LRRTM4: variants seen among roughly 807,000 people sequenced by gnomAD.
The protein encoded by LRRTM4 is leucine-rich repeat transmembrane neuronal protein 4.
LRRTM4 carries 25 observed loss-of-function variants against 47.6 expected under a neutral mutation model. That is an observed-to-expected ratio of 0.53 (90% CI 0.38 to 0.73). The LOEUF is 0.73. Ranked by LOEUF, LRRTM4 falls within the 30% of genes least tolerant of loss-of-function variation. The pLI is 0.00. For missense variants in LRRTM4, 638 were observed against 713.4 expected (o/e 0.89, Z 1.20); for synonymous variants, 311 against 269.5 (o/e 1.15, Z -1.51).
intron 3 of LRRTM4, among the ~76,000 whole-genome samples, chr2:77,065,432 C>CT (rs970741791): frequency 2.1e-4 from 32 of 152,102 alleles, no homozygotes; most frequent in Middle Eastern, 6.8e-3. Flanking sequence ...CTTTATTGAC[C>CT]TTTTTTATTA....
intron 3 of LRRTM4, among the ~76,000 whole-genome samples, chr2:76,834,118 G>A (rs1573185446): frequency 6.6e-6 from 1 of 151,572 alleles, no homozygotes; most frequent in South Asian, 2.1e-4. Context: ...TTGGCTCACT[G>A]CAACCTCTCC....
intron 3 of LRRTM4, among the ~76,000 whole-genome samples, chr2:77,485,364 G>A (rs1677869666): frequency 6.6e-6 from 1 of 152,116 alleles, no homozygotes; most frequent in South Asian, 2.1e-4. Flanking sequence ...TTTAATCTTG[G>A]TGATTTTCCA....
At chr2:77,224,453 C>T (rs1674742055) in intron 3 of LRRTM4, among the ~76,000 whole-genome samples, 2 of 152,036 alleles carry the variant, frequency 1.3e-5, no homozygotes, top group African/African-American at 2.4e-5. Context: ...ATTTTTGCAA[C>T]CTACTCATCT....
chr2:76,978,920 T>C (rs1276453793), intron 3 of LRRTM4, among the ~76,000 whole-genome samples: 1 of 152,020 alleles, frequency 6.6e-6, no homozygotes, highest in Non-Finnish European at 1.5e-5. Context: ...GTGCAGAAGC[T>C]ATTTTCATGT....
intron 3 of LRRTM4, among the ~76,000 whole-genome samples, chr2:76,910,340 C>A (rs1674005670): frequency 1.1e-5 from 1 of 94,736 alleles, no homozygotes; most frequent in Admixed American, 1.7e-4. Flanking sequence ...ACTCTGGGGA[C>A]TGTTGTGGGG....
In LRRTM4 at chr2:77,131,045, G is replaced by A. The variant is rs1012580025; in HGVS notation, c.1552-382129C>T. 2.4e-3 allele frequency among the ~76,000 whole-genome samples: 303 copies of A among 128,142 alleles called. No individual in the cohort carries two copies. The Middle Eastern group carries it at 0.063, about 27-fold the overall frequency. The allele number at this position is 128,142 out of a possible 152,430, so 84.1% of individuals were successfully genotyped here. A position where few individuals can be genotyped will look rare whatever the true frequency, so the allele number is the denominator to read the frequency against. On this transcript the variant is annotated intron_variant, in intron 3 of 3. Transcript: ENST00000409884. Reference sequence around the variant, plus strand: ...GAGACGGGGTTTCACCGTTTTAGCCGGGATGGTCTCGATATCCTGACCTCG... The same window carrying A: ...GAGACGGGGTTTCACCGTTTTAGCCAGGATGGTCTCGATATCCTGACCTCG...
intron 3 of LRRTM4, among the ~76,000 whole-genome samples, chr2:76,878,299 C>G (rs1057186213): frequency 1.3e-5 from 2 of 151,974 alleles, no homozygotes; most frequent in African/African-American, 4.8e-5. Flanking sequence ...TCTCTCTCTC[C>G]TTGGGTCTCC....
chr2:76,868,584 A>G (rs540281869), intron 3 of LRRTM4, among the ~76,000 whole-genome samples: 1 of 152,326 alleles, frequency 6.6e-6, no homozygotes, highest in East Asian at 1.9e-4. Flanking sequence ...CAGAATAAAA[A>G]AGGCTTGTGT....
At position 77,213,989 on chromosome 2, in the gene LRRTM4, C is replaced by T. The variant is rs573379708; in HGVS notation, c.1551+304329G>A. ...CAAAAGAAAAAAAAAACACTGTATCCTGAGCCCTAGAAGAAACTGAAATAT... is the reference window on the plus strand; with the variant it reads ...CAAAAGAAAAAAAAAACACTGTATCTTGAGCCCTAGAAGAAACTGAAATAT... On this transcript the variant is annotated intron_variant, in intron 3 of 3. Coordinates refer to ENST00000409884, the MANE Select transcript of LRRTM4 (RefSeq NM_001134745.3). 8.5e-5 allele frequency among the ~76,000 whole-genome samples: 13 copies of T among 152,126 alleles called. No homozygotes were observed. In the South Asian group the frequency reaches 2.3e-3, roughly 27 times the overall value.
chr2:76,812,012 T>G (rs1199723329), intron 3 of LRRTM4, among the ~76,000 whole-genome samples: 1 of 152,238 alleles, frequency 6.6e-6, no homozygotes, highest in Middle Eastern at 3.2e-3. Context: ...CTAAGAATTG[T>G]ATTTCAAACA....
chr2:76,874,571 A>G (rs1164834856), intron 3 of LRRTM4, among the ~76,000 whole-genome samples: 1 of 151,934 alleles, frequency 6.6e-6, no homozygotes, highest in Non-Finnish European at 1.5e-5. Context: ...ATAGCTGTGT[A>G]AAGTCCTATC....
intron 3 of LRRTM4, among the ~76,000 whole-genome samples, chr2:76,810,617 AG>A: frequency 6.6e-6 from 1 of 152,210 alleles, no homozygotes; most frequent in East Asian, 1.9e-4. Flanking sequence ...TTTGCCAAGA[AG>A]TCTTAAAATC....
At chr2:76,892,043 G>C (rs1360030602) in intron 3 of LRRTM4, among the ~76,000 whole-genome samples, 1 of 151,488 alleles carries the variant, frequency 6.6e-6, no homozygotes, top group African/African-American at 2.4e-5. Context: ...ATACTGTGTA[G>C]AAAATGAGTA....
intron 3 of LRRTM4, among the ~76,000 whole-genome samples, chr2:77,054,833 G>A (rs572430603): frequency 6.6e-6 from 1 of 152,220 alleles, no homozygotes; most frequent in Non-Finnish European, 1.5e-5. Context: ...GCAGGCATCA[G>A]TGACTGGAAA....
At chr2:77,140,998 A>G (rs1459154418) in intron 3 of LRRTM4, among the ~76,000 whole-genome samples, 3 of 152,188 alleles carry the variant, frequency 2.0e-5, no homozygotes, top group Non-Finnish European at 2.9e-5. Flanking sequence ...ATGTGGAGAA[A>G]TAGGAACAGT....
chr2:77,021,407 T>C (rs80107800), intron 3 of LRRTM4, among the ~76,000 whole-genome samples: 1 of 152,160 alleles, frequency 6.6e-6, no homozygotes, highest in Non-Finnish European at 1.5e-5. Context: ...ACTTCTGTCA[T>C]CTACACATTA....
chr2:77,386,622 T>C (rs1211119316), intron 3 of LRRTM4, among the ~76,000 whole-genome samples: 2 of 152,134 alleles, frequency 1.3e-5, no homozygotes, highest in South Asian at 2.1e-4. Flanking sequence ...TACCCAGTAA[T>C]GGGATTGCTG....
At chr2:76,841,603 T>C (rs1487236781) in intron 3 of LRRTM4, among the ~76,000 whole-genome samples, 3 of 151,322 alleles carry the variant, frequency 2.0e-5, no homozygotes, top group African/African-American at 7.3e-5. Flanking sequence ...GTTATTAGTA[T>C]TCAAGACCCA....
chr2:76,766,033 A>T (rs967571192), intron 3 of LRRTM4, among the ~76,000 whole-genome samples: 11 of 152,218 alleles, frequency 7.2e-5, no homozygotes, highest in African/African-American at 2.7e-4. Flanking sequence ...CTCTGGACTG[A>T]GAGGAAGACC....
Sources: allele counts gnomAD v4.1 joint callset (sites outside exome capture counted in the v4.1 genomes callset), GRCh38; gene constraint gnomAD v4.1.1; transcripts MANE v1.5; gene names NCBI Gene and HGNC (gene_info 2026-07-23, HGNC 2026-07-21).